NUP93: variants seen among roughly 807,000 people sequenced by gnomAD.
NUP93 encodes the protein nuclear pore complex protein Nup93.
Under a neutral mutation model 107.8 loss-of-function variants are expected in NUP93, and 55 were observed. That is an observed-to-expected ratio of 0.51 (90% CI 0.41 to 0.64). The LOEUF (loss-of-function observed/expected upper bound fraction) is 0.64, where lower values mean the gene tolerates loss of function less well. Among genes scored for constraint, NUP93 ranks in the 30% least tolerant of loss-of-function variants. NUP93 has a pLI of 0.00. For missense variants in NUP93, 937 were observed against 1,044.7 expected (o/e 0.90, Z 1.42); for synonymous variants, 390 against 397.5 (o/e 0.98, Z 0.22).
intron 2 of NUP93, among the ~76,000 whole-genome samples, chr16:56,751,090 C>G (rs1170149957): frequency 2.6e-5 from 4 of 151,728 alleles, no homozygotes; most frequent in Non-Finnish European, 5.9e-5. Flanking sequence ...TGGAGGGTGC[C>G]CATCATCAAT....
chr16:56,748,372 G>T lies in NUP93; in HGVS notation c.125G>T (p.Arg42Leu). Residue 42 changes from arginine (R) to leucine (L), a missense_variant, in exon 2 of 22, where the codon CGC (arginine) becomes CTC (leucine). Arg to Leu is a moderately radical substitution (Grantham distance 102). Transcript: ENST00000308159. The part of the protein sequence containing the change: ...NLQEIQQAGE[R>L]LRSRTLTRTS... ...CAGGAGATCCAGCAGGCGGGAGAGC[G>T]CCTGCGTTCCCGTACCCTAACACGC... 6.2e-7 allele frequency: 1 copy of T among 1,613,940 alleles called. No individual in the cohort carries two copies. Among genetic ancestry groups the T allele is most frequent in the South Asian group, 1.1e-5 (1 of 91,084 alleles).
chr16:56,743,504 C>CT (rs1466787673), intron 1 of NUP93, among the ~76,000 whole-genome samples: 2 of 152,162 alleles, frequency 1.3e-5, no homozygotes, highest in African/African-American at 4.8e-5. Flanking sequence ...GAGCTTCCCA[C>CT]TGAGAACATT....
intron 3 of NUP93, among the ~76,000 whole-genome samples, chr16:56,768,901 A>G (rs1051959005): frequency 4.6e-5 from 7 of 150,614 alleles, no homozygotes; most frequent in African/African-American, 1.5e-4. Context: ...GTCTTACCCC[A>G]GCTAACATCA....
intron 3 of NUP93, among the ~76,000 whole-genome samples, chr16:56,792,186 A>C (rs1962780622): frequency 6.6e-6 from 1 of 152,032 alleles, no homozygotes; most frequent in African/African-American, 2.4e-5. Flanking sequence ...TCTCTTAAAA[A>C]ACAAAAAACA....
intron 1 of NUP93, among the ~76,000 whole-genome samples, chr16:56,732,765 G>A (rs372420481): frequency 1.3e-5 from 2 of 152,332 alleles, no homozygotes; most frequent in African/African-American, 4.8e-5. Context: ...TGGAGTTAGA[G>A]GGAAGATCTT....
intron 3 of NUP93, among the ~76,000 whole-genome samples, chr16:56,767,348 G>T (rs1439170438): frequency 6.6e-6 from 1 of 152,200 alleles, no homozygotes; most frequent in East Asian, 1.9e-4. Flanking sequence ...AAATTATTCA[G>T]AAAGAACCCT....
chr16:56,777,105 T>C (rs1962429808), intron 3 of NUP93, among the ~76,000 whole-genome samples: 1 of 152,134 alleles, frequency 6.6e-6, no homozygotes, highest in Admixed American at 6.5e-5. Flanking sequence ...ATTTTGATTT[T>C]TAGAAATCTG....
chr16:56,737,120 T>G (rs1961626935), intron 1 of NUP93, among the ~76,000 whole-genome samples: 1 of 152,218 alleles, frequency 6.6e-6, no homozygotes, highest in Admixed American at 6.5e-5. Flanking sequence ...TCAGCTCAGA[T>G]CACCATAATA....
intron 3 of NUP93, among the ~76,000 whole-genome samples, chr16:56,780,839 G>T (rs370002693): frequency 1.3e-5 from 2 of 152,204 alleles, no homozygotes; most frequent in African/African-American, 4.8e-5. Context: ...GGAGAGAATG[G>T]TTCTATTTTC....
intron 1 of NUP93, among the ~76,000 whole-genome samples, chr16:56,738,798 G>A (rs34056275): frequency 6.7e-4 from 102 of 152,198 alleles, no homozygotes; most frequent in Non-Finnish European, 1.3e-3. Flanking sequence ...GATACCTTGG[G>A]TGGAGGTTTT....
At chr16:56,836,140 A>AAAG (rs1413006341) in intron 16 of NUP93, among the ~76,000 whole-genome samples, 2 of 150,648 alleles carry the variant, frequency 1.3e-5, no homozygotes, top group East Asian at 1.9e-4. Context: ...AAAAAAAAAA[A>AAAG]AAAGAAATGT....
At chr16:56,757,661 A>G (rs766707078) in intron 2 of NUP93, among the ~76,000 whole-genome samples, 1 of 152,206 alleles carries the variant, frequency 6.6e-6, no homozygotes, top group Non-Finnish European at 1.5e-5. Flanking sequence ...TTTCTCTTCA[A>G]AAGCATTTAC....
At chr16:56,763,430 T>C (rs2144489789) in intron 3 of NUP93, among the ~76,000 whole-genome samples, 1 of 152,266 alleles carries the variant, frequency 6.6e-6, no homozygotes, top group African/African-American at 2.4e-5. Context: ...GTTTTTAAGG[T>C]AACTATAGAT....
At chr16:56,836,503 G>C (rs928722418) in intron 16 of NUP93, 98 bp from the exon 17 acceptor site, 1 of 724,424 alleles carries the variant, frequency 1.4e-6, no homozygotes, top group African/African-American at 1.8e-5. Context: ...AATTCCACTT[G>C]AAGTATTTTT....
At chr16:56,735,191 A>C (rs1961592210) in intron 1 of NUP93, among the ~76,000 whole-genome samples, 1 of 152,224 alleles carries the variant, frequency 6.6e-6, no homozygotes, top group Admixed American at 6.5e-5. Context: ...GGTGGTAATA[A>C]TGATAGCTAA....
intron 3 of NUP93, among the ~76,000 whole-genome samples, chr16:56,796,272 A>G (rs1962896240): frequency 6.6e-6 from 1 of 152,190 alleles, no homozygotes; most frequent in South Asian, 2.1e-4. Flanking sequence ...TTTTTATTGT[A>G]CCTTGTCTAT....
chr16:56,798,871 CAAAA>C (rs1184872315), intron 4 of NUP93, among the ~76,000 whole-genome samples: 2 of 82,964 alleles, frequency 2.4e-5, no homozygotes, highest in Non-Finnish European at 2.5e-5. Context: ...GACCCTGTCT[CAAAA>C]AAAAAAAAAA....
intron 3 of NUP93, among the ~76,000 whole-genome samples, chr16:56,762,855 C>T (rs747445074): frequency 2.5e-4 from 38 of 152,144 alleles, no homozygotes; most frequent in Non-Finnish European, 2.6e-4. Context: ...AGGGTATCTT[C>T]GGTCTCTTCC....
chr16:56,768,093 T>C (rs1450467945), intron 3 of NUP93, among the ~76,000 whole-genome samples: 1 of 152,176 alleles, frequency 6.6e-6, no homozygotes, highest in Admixed American at 6.5e-5. Flanking sequence ...TCTAAATCCT[T>C]ATTGTCAGTC....
Sources: allele counts gnomAD v4.1 joint callset (sites outside exome capture counted in the v4.1 genomes callset), GRCh38; gene constraint gnomAD v4.1.1; transcripts MANE v1.5; gene names NCBI Gene and HGNC (gene_info 2026-07-23, HGNC 2026-07-21).